The following ITPR1 variants were observed in gnomAD, a reference collection of about 807,000 sequenced individuals.
The protein encoded by ITPR1 is inositol 1,4,5-trisphosphate receptor type 1, also known as inositol 1,4,5-trisphosphate-gated calcium channel ITPR1.
Under a neutral mutation model 318.4 loss-of-function variants are expected in ITPR1, and 96 were observed. The ratio of observed to expected loss-of-function variants is 0.30; its 90% confidence interval spans 0.26 to 0.36. The LOEUF (loss-of-function observed/expected upper bound fraction) is 0.36. Ranked by LOEUF, ITPR1 falls within the 10% of genes least tolerant of loss-of-function variation. The pLI, the probability that ITPR1 is intolerant of heterozygous loss-of-function variation, is 1.00. For synonymous variants in ITPR1, 1,312 were observed against 1,289.9 expected (o/e 1.02, Z -0.37); for missense variants, 2,440 against 3,460.2 (o/e 0.71, Z 7.40).
chr3:4,828,642 A>G (rs564813342), intron 60 of ITPR1, among the ~76,000 whole-genome samples: 3 of 152,238 alleles, frequency 2.0e-5, no homozygotes, highest in Admixed American at 6.5e-5. Context: ...TGGCCCCAGA[A>G]TGACTTGAAA....
At chr3:4,532,390 G>T (rs1012254662) in intron 4 of ITPR1, among the ~76,000 whole-genome samples, 2 of 151,886 alleles carry the variant, frequency 1.3e-5, no homozygotes, top group African/African-American at 4.8e-5. Context: ...TTTGAGATAG[G>T]GTCTTGCTCT....
intron 53 of ITPR1, among the ~76,000 whole-genome samples, 166 bp downstream of exon 53, chr3:4,795,353 C>G (rs1307845172): frequency 1.3e-5 from 2 of 152,204 alleles, no homozygotes. Context: ...AGTTTTAAAT[C>G]TAACTTAAAA....
intron 4 of ITPR1, among the ~76,000 whole-genome samples, chr3:4,570,393 G>A (rs1412199367): frequency 1.3e-5 from 2 of 152,198 alleles, no homozygotes; most frequent in Non-Finnish European, 2.9e-5. Context: ...GCTTTTGGAA[G>A]CCAGTGTACA....
intron 4 of ITPR1, among the ~76,000 whole-genome samples, chr3:4,599,259 G>A (rs2091087926): frequency 6.6e-6 from 1 of 152,308 alleles, no homozygotes; most frequent in Admixed American, 6.5e-5. Flanking sequence ...CAGAGCCTGT[G>A]TTCATGGCCT....
chr3:4,671,930 A>C (rs1291018186), intron 20 of ITPR1: 2 of 152,138 alleles, frequency 1.3e-5, no homozygotes, highest in Non-Finnish European at 2.9e-5. Flanking sequence ...ATGGGACTGT[A>C]CTCCAAATAC....
At chr3:4,807,629 G>T (rs1423696882) in intron 55 of ITPR1, among the ~76,000 whole-genome samples, 2 of 152,174 alleles carry the variant, frequency 1.3e-5, no homozygotes, top group Admixed American at 1.3e-4. Context: ...AGATCACTAG[G>T]ATTAGCTCAT....
intron 4 of ITPR1, among the ~76,000 whole-genome samples, chr3:4,539,025 C>T (rs566553929): frequency 1.3e-5 from 2 of 152,186 alleles, no homozygotes; most frequent in South Asian, 4.2e-4. Flanking sequence ...ACATGTATTC[C>T]AGAACTTAAG....
chr3:4,523,540 C>A (rs1204107574), intron 4 of ITPR1, among the ~76,000 whole-genome samples: 1 of 151,998 alleles, frequency 6.6e-6, no homozygotes, highest in African/African-American at 2.4e-5. Context: ...GGAACTTATT[C>A]CTCCTAACTG....
intron 61 of ITPR1, among the ~76,000 whole-genome samples, chr3:4,840,029 C>CTTTTTT (rs56096727): frequency 0.014 from 1,411 of 104,450 alleles, 144 homozygotes; most frequent in East Asian, 0.019. Context: ...AGCATAGCTG[C>CTTTTTT]TTTTTTTTTT....
chr3:4,575,032 G>A (rs1310608010), intron 4 of ITPR1, among the ~76,000 whole-genome samples: 5 of 152,224 alleles, frequency 3.3e-5, no homozygotes, highest in Admixed American at 1.3e-4. Flanking sequence ...ATGGGTGTAC[G>A]TTTATGAAAA....
intron 16 of ITPR1, among the ~76,000 whole-genome samples, chr3:4,663,643 C>T (rs1458852382): frequency 6.6e-6 from 1 of 152,208 alleles, no homozygotes; most frequent in Non-Finnish European, 1.5e-5. Flanking sequence ...GGGGAATCAA[C>T]ATTGATACAT....
At chr3:4,501,687 G>A (rs1352100541) in intron 2 of ITPR1, among the ~76,000 whole-genome samples, 1 of 152,210 alleles carries the variant, frequency 6.6e-6, no homozygotes, top group Admixed American at 6.5e-5. Flanking sequence ...ACCAACCTGA[G>A]GTGAGAGTAA....
At chr3:4,786,084 C>T (rs777274649) in intron 51 of ITPR1, among the ~76,000 whole-genome samples, 1 of 152,232 alleles carries the variant, frequency 6.6e-6, no homozygotes, top group Non-Finnish European at 1.5e-5. Flanking sequence ...TCCTTGTCTA[C>T]TCCTCCTTTC....
chr3:4,752,213 T>G (rs1186580488), intron 44 of ITPR1, among the ~76,000 whole-genome samples: 2 of 152,184 alleles, frequency 1.3e-5, no homozygotes. Flanking sequence ...ATTTGAGAAA[T>G]ATGTTTTTAT....
chr3:4,497,639 A>G (rs2080697326), intron 2 of ITPR1, among the ~76,000 whole-genome samples: 1 of 152,208 alleles, frequency 6.6e-6, no homozygotes, highest in African/African-American at 2.4e-5. Flanking sequence ...TGCTGTGGAA[A>G]ACAGCATGGC....
At chr3:4,623,558 T>G (rs1427515787) in intron 4 of ITPR1, among the ~76,000 whole-genome samples, 2 of 152,190 alleles carry the variant, frequency 1.3e-5, no homozygotes, top group Non-Finnish European at 2.9e-5. Flanking sequence ...CAAATAAATA[T>G]TAAATATATT....
chr3:4,644,155 T>C lies in ITPR1; in HGVS notation c.545T>C (p.Val182Ala). 1 of 1,611,482 alleles carries C rather than the reference T, an allele frequency of 6.2e-7. No homozygotes were observed. Among genetic ancestry groups the C allele is most frequent in the Non-Finnish European group, 8.5e-7 (1 of 1,178,814 alleles). ...TTCCAGGTGGTCATAGGTGACAAGG[T>C]GGTTCTGAACCCCGTCAATGCTGGT... ...IGDSVVIGDKVVLNPVNAGQP... is the reference protein window; with the variant it reads ...IGDSVVIGDKAVLNPVNAGQP... The change falls in exon 8 of 62, where the codon GTG (valine) becomes GCG (alanine). Residue 182 changes from valine (V) to alanine (A), a missense_variant. By Grantham distance (64) the Val-to-Ala change is moderately conservative. Around this residue, in one of 23 missense-constraint regions of ITPR1, gnomAD observed 186 missense variants for 323.9 expected, o/e 0.57. Transcript: ENST00000649015.
At chr3:4,574,914 A>G (rs553655113) in intron 4 of ITPR1, among the ~76,000 whole-genome samples, 7 of 152,356 alleles carry the variant, frequency 4.6e-5, no homozygotes, top group East Asian at 3.9e-4. Flanking sequence ...AGGTCTATCA[A>G]TTGCAAGAGA....
At chr3:4,732,155 C>G (rs2042970544) in intron 42 of ITPR1, among the ~76,000 whole-genome samples, 1 of 152,064 alleles carries the variant, frequency 6.6e-6, no homozygotes, top group Non-Finnish European at 1.5e-5. Context: ...GAATGCAGAA[C>G]GCATGCTGCC....
Sources: gnomAD v4.1 joint callset for allele counts (sites outside exome capture counted in the v4.1 genomes callset) on GRCh38, gnomAD v4.1.1 for gene constraint, gnomAD v4.1.1 regional missense constraint, MANE v1.5 for transcripts, NCBI Gene and HGNC (gene_info 2026-07-23, HGNC 2026-07-21) for gene names.